The following LAPTM4B variants were observed in gnomAD, a reference collection of about 807,000 sequenced individuals.
LAPTM4B encodes the protein lysosomal-associated transmembrane protein 4B.
Under a neutral mutation model 28.5 loss-of-function variants are expected in LAPTM4B, and 26 were observed. The observed-to-expected ratio is 0.91, with a 90% confidence interval of 0.67 to 1.27. The LOEUF is 1.27. LAPTM4B is among the 50% of genes most tolerant of loss of function. The probability of loss-of-function intolerance (pLI) is 0.00; values close to 1 mark genes in which losing one functional copy is unlikely to be tolerated. For missense variants in LAPTM4B, 288 were observed against 285.8 expected, an observed-to-expected ratio of 1.01 and a Z score of -0.06; for synonymous variants, 109 against 106.4, an observed-to-expected ratio of 1.02 and a Z score of -0.15.
At chr8:97,804,879 C>T (rs559362901) in intron 1 of LAPTM4B, among the ~76,000 whole-genome samples, 32 of 152,324 alleles carry the variant, frequency 2.1e-4, no homozygotes, top group Admixed American at 2.1e-3. Flanking sequence ...CATTCATTCT[C>T]TGAAACTGCT....
At chr8:97,777,378 C>G (rs896158601) in intron 1 of LAPTM4B, among the ~76,000 whole-genome samples, 1 of 151,896 alleles carries the variant, frequency 6.6e-6, no homozygotes, top group Non-Finnish European at 1.5e-5. Flanking sequence ...GAACTGCTGA[C>G]CTCGTGATTC....
At chr8:97,849,603 G>T (rs888150844) in intron 6 of LAPTM4B, among the ~76,000 whole-genome samples, 5 of 152,238 alleles carry the variant, frequency 3.3e-5, no homozygotes, top group Non-Finnish European at 5.9e-5. Context: ...AGGAACAAAG[G>T]CCGGCTGGCG....
At chr8:97,848,079 C>T (rs574458722) in intron 6 of LAPTM4B, among the ~76,000 whole-genome samples, 4 of 152,234 alleles carry the variant, frequency 2.6e-5, no homozygotes, top group African/African-American at 7.2e-5. Flanking sequence ...GCCTGGCCAA[C>T]GTGGCAAAAC....
chr8:97,782,130 G>A (rs984259598), intron 1 of LAPTM4B, among the ~76,000 whole-genome samples: 10 of 151,304 alleles, frequency 6.6e-5, no homozygotes, highest in Middle Eastern at 3.4e-3. Context: ...ACAGGCATGC[G>A]CCACCACACC....
intron 2 of LAPTM4B, 137 bp downstream of exon 2, chr8:97,805,601 G>GT: frequency 1.6e-6 from 1 of 637,544 alleles, no homozygotes; most frequent in South Asian, 1.9e-5. Context: ...GAATATTTGT[G>GT]TGCGTCTAAC....
rs180754497 is a variant in LAPTM4B, at chr8:97,851,911, A to G, written c.*437A>G. On this transcript the variant is annotated 3_prime_UTR_variant, in exon 7 of 7. Coordinates refer to ENST00000521545, the MANE Select transcript of LAPTM4B (RefSeq NM_018407.6). ...AAACCTTATGGAAACAGGAATGTCA[A>G]TTGTGTAATCATTGTTCTAATTAGG... 1.1e-4 allele frequency: 18 copies of G among 166,144 alleles called. No homozygotes were observed. The East Asian group carries it at 2.4e-3, about 22-fold the overall frequency. The allele number at this position is 166,144 out of a possible 1,614,324, so 10.3% of individuals were successfully genotyped here.
chr8:97,787,640 GTCTT>G (rs1376258278), intron 1 of LAPTM4B, among the ~76,000 whole-genome samples: 1 of 152,096 alleles, frequency 6.6e-6, no homozygotes. Flanking sequence ...TAATATCTTT[GTCTT>G]TCTTTTAAAG....
intron 1 of LAPTM4B, among the ~76,000 whole-genome samples, chr8:97,795,394 AT>A (rs1586323705): frequency 1.3e-5 from 2 of 152,250 alleles, no homozygotes; most frequent in East Asian, 3.9e-4. Context: ...CACCTGGCCT[AT>A]TTTTTAAATT....
Position 97,851,459 on chromosome 8 carries a change from T to G in LAPTM4B, c.666T>G (p.Pro222=), listed in dbSNP as rs111541249. ...VNGAAKEPPP[P]YVSA ...GTGCTGCCAAGGAGCCACCGCCACC[T>G]TACGTGTCTGCCTAAGCCTTCAAGT... The change falls in exon 7 of 7, where the codon CCT becomes CCG. Residue 222 remains proline (P), a synonymous_variant. Transcript: ENST00000521545. 1 of 1,613,810 alleles carries G rather than the reference T, an allele frequency of 6.2e-7. No individual in the cohort carries two copies. The highest frequency in any genetic ancestry group is 8.5e-7 in the Non-Finnish European group (1 of 1,179,818).
chr8:97,778,767 A>G (rs1010667333), intron 1 of LAPTM4B, among the ~76,000 whole-genome samples: 6 of 152,062 alleles, frequency 3.9e-5, no homozygotes, highest in African/African-American at 1.4e-4. Context: ...ACAAAAGTAT[A>G]AAAGAAAATC....
intron 2 of LAPTM4B, among the ~76,000 whole-genome samples, chr8:97,811,324 G>A (rs7833726): frequency 0.097 from 14,692 of 152,032 alleles, 2,372 homozygotes; most frequent in African/African-American, 0.33. Flanking sequence ...TAAATCTGTC[G>A]TCAGCCATGT....
Position 97,814,839 on chromosome 8 carries a change from G to A in LAPTM4B, c.212-489G>A, listed in dbSNP as rs990672842. Among the ~76,000 whole-genome samples the A allele has an allele frequency of 3.9e-5, 6 of 152,086 alleles. No homozygotes were observed. The East Asian group carries it at 1.2e-3, about 29-fold the overall frequency. On this transcript the variant is annotated intron_variant, in intron 2 of 6. Coordinates refer to ENST00000521545, the MANE Select transcript of LAPTM4B (RefSeq NM_018407.6). ...CTCCCAAGTAGCTGGGTCAGCAGGTGCCCACCACCACGCCCGGCTAATTTT... is the reference window on the plus strand; with the variant it reads ...CTCCCAAGTAGCTGGGTCAGCAGGTACCCACCACCACGCCCGGCTAATTTT...
At chr8:97,836,664 G>A (rs573820007) in intron 6 of LAPTM4B, among the ~76,000 whole-genome samples, 7 of 152,014 alleles carry the variant, frequency 4.6e-5, no homozygotes, top group African/African-American at 1.4e-4. Context: ...TGGTATATAA[G>A]AATTCTGATT....
rs561492205 is a variant in LAPTM4B, at chr8:97,833,664, G to A, written c.603+8511G>A. On this transcript the variant is annotated intron_variant, in intron 6 of 6. Transcript: ENST00000521545. ...TACCAGCGAATTATTTGGATCTAGA[G>A]GCTTTTTGTGTTCAGATTTGCCTGT... 3.3e-5 allele frequency among the ~76,000 whole-genome samples: 5 copies of A among 152,218 alleles called. No individual in the cohort carries two copies. The East Asian group carries it at 9.7e-4, about 29-fold the overall frequency.
intron 1 of LAPTM4B, among the ~76,000 whole-genome samples, chr8:97,779,379 G>A (rs1413648879): frequency 6.6e-6 from 1 of 152,092 alleles, no homozygotes; most frequent in Non-Finnish European, 1.5e-5. Flanking sequence ...CAGCTACTTG[G>A]GAGACTGAGG....
At position 97,851,423 on chromosome 8, in the gene LAPTM4B, C is replaced by T. The variant is rs760916350; in HGVS notation, c.630C>T (p.Ala210=). ...TTVLLPPYDD[A]TVNGAAKEPP... ...TGCTGCTACCCCCGTATGATGATGC[C>T]ACTGTGAATGGTGCTGCCAAGGAGC... The change falls in exon 7 of 7, where the codon GCC becomes GCT. Residue 210 remains alanine, a synonymous_variant. Coordinates refer to ENST00000521545, the MANE Select transcript of LAPTM4B (RefSeq NM_018407.6). 4.3e-6 allele frequency: 7 copies of T among 1,614,124 alleles called. No homozygotes were observed. In the South Asian group the frequency reaches 6.6e-5, roughly 15 times the overall value.
rs565867303 is a variant in LAPTM4B, at chr8:97,805,321, A to G, written c.100-32A>G. ...AGGATTGCATCCTGGGGTTACTTAA[A>G]TTCTTTTTTTTTTTTTTTTTTCTTG... On this transcript the variant is annotated intron_variant, in intron 1 of 6. Transcript: ENST00000521545. 1.7e-5 allele frequency: 16 copies of G among 941,284 alleles called. No homozygotes were observed. In the South Asian group the frequency reaches 2.5e-4, roughly 15 times the overall value. The allele number at this position is 941,284 out of a possible 1,614,324, so 58.3% of individuals were successfully genotyped here.
At chr8:97,779,219 G>A (rs963545277) in intron 1 of LAPTM4B, among the ~76,000 whole-genome samples, 2 of 152,108 alleles carry the variant, frequency 1.3e-5, no homozygotes, top group East Asian at 3.9e-4. Context: ...GGTGGCTCAC[G>A]CTTGTAATCC....
At chr8:97,802,282 A>G (rs1200586277) in intron 1 of LAPTM4B, among the ~76,000 whole-genome samples, 2 of 152,210 alleles carry the variant, frequency 1.3e-5, no homozygotes, top group Non-Finnish European at 2.9e-5. Context: ...TATTCATTAT[A>G]TGCTAAACAA....
Sources: allele counts gnomAD v4.1 joint callset (sites outside exome capture counted in the v4.1 genomes callset), GRCh38; gene constraint gnomAD v4.1.1; transcripts MANE v1.5; gene names NCBI Gene and HGNC (gene_info 2026-07-23, HGNC 2026-07-21).